ABL2: variants seen among roughly 807,000 people sequenced by gnomAD.
ABL2 encodes the protein tyrosine-protein kinase ABL2.
A neutral mutation model predicts 107.7 loss-of-function variants in ABL2; 49 were observed. The ratio of observed to expected loss-of-function variants is 0.45; its 90% confidence interval spans 0.36 to 0.58. The LOEUF (loss-of-function observed/expected upper bound fraction) is 0.58, where lower values mean the gene tolerates loss of function less well. Among genes scored for constraint, ABL2 ranks in the 20% least tolerant of loss-of-function variants. The pLI, the probability that ABL2 is intolerant of heterozygous loss-of-function variation, is 0.00. For synonymous variants in ABL2, 549 were observed against 548.6 expected, an observed-to-expected ratio of 1.00 and a Z score of -0.01; for missense variants, 1,245 against 1,457.0, an observed-to-expected ratio of 0.85 and a Z score of 2.37.
chr1:179,134,569 A>G (rs1656658557), intron 1 of ABL2, among the ~76,000 whole-genome samples: 1 of 152,058 alleles, frequency 6.6e-6, no homozygotes, highest in Admixed American at 6.6e-5. Context: ...CTACTTTCCT[A>G]TACTTACAGT....
intron 1 of ABL2, among the ~76,000 whole-genome samples, chr1:179,175,823 T>C (rs1222110655): frequency 5.3e-5 from 8 of 150,568 alleles, no homozygotes; most frequent in Non-Finnish European, 7.4e-5. Context: ...CATGCTAGAC[T>C]GCTAGACAAG....
At chr1:179,119,038 G>C (rs1332507948) in intron 6 of ABL2, among the ~76,000 whole-genome samples, 1 of 152,070 alleles carries the variant, frequency 6.6e-6, no homozygotes, top group Non-Finnish European at 1.5e-5. Flanking sequence ...AATTCTATAA[G>C]GGGCCAAGAA....
chr1:179,105,400 C>A lies in ABL2; in HGVS notation c.*2318G>T, dbSNP rs1414005444. On this transcript the variant is annotated 3_prime_UTR_variant, in exon 12 of 12. Coordinates refer to ENST00000502732, the MANE Select transcript of ABL2 (RefSeq NM_007314.4). ...CAACAGGGATAAACCTAAAAAGCAG[C>A]ATAATAATATTCTACAGTTTTAGCT... 8.6e-6 allele frequency: 2 copies of A among 231,244 alleles called. No homozygotes were observed. Among genetic ancestry groups the A allele is most frequent in the Non-Finnish European group, 1.7e-5 (2 of 116,836 alleles). 14.3% of individuals were successfully genotyped at this position (231,244 alleles called of 1,614,324 possible).
chr1:179,184,412 G>C, intron 1 of ABL2: 1 of 958,190 alleles, frequency 1.0e-6, no homozygotes, highest in East Asian at 2.6e-5. Flanking sequence ...CCAGCAGGAA[G>C]AGGCAGCATG....
intron 1 of ABL2, among the ~76,000 whole-genome samples, chr1:179,217,347 C>T (rs1662622901): frequency 6.7e-6 from 1 of 149,912 alleles, no homozygotes; most frequent in African/African-American, 2.5e-5. Flanking sequence ...GTGGCTCAGT[C>T]AGGTGTGGTG....
At chr1:179,110,591 T>C in intron 10 of ABL2, 136 bp from the exon 11 acceptor site, 1 of 1,498,352 alleles carries the variant, frequency 6.7e-7, no homozygotes, top group East Asian at 2.3e-5. Flanking sequence ...TCATAAAGTA[T>C]GTACTCTTTT....
At chr1:179,148,659 T>C (rs1454106594) in intron 1 of ABL2, among the ~76,000 whole-genome samples, 2 of 152,176 alleles carry the variant, frequency 1.3e-5, no homozygotes, top group African/African-American at 4.8e-5. Context: ...CTCAGCACTT[T>C]GTGAGGCCGA....
At chr1:179,139,450 T>C (rs1476487280) in intron 1 of ABL2, among the ~76,000 whole-genome samples, 1 of 152,142 alleles carries the variant, frequency 6.6e-6, no homozygotes, top group Non-Finnish European at 1.5e-5. Context: ...TTAAGAGCTG[T>C]AGCACTCACC....
chr1:179,186,338 CGT>C (rs1660683418), intron 1 of ABL2, among the ~76,000 whole-genome samples: 2 of 151,968 alleles, frequency 1.3e-5, no homozygotes, highest in South Asian at 4.1e-4. Flanking sequence ...TCTTTTTGAG[CGT>C]GTGTGTTTGG....
In ABL2 at chr1:179,228,028, C is replaced by T. The variant is rs568810330; in HGVS notation, c.157+1213G>A. On this transcript the variant is annotated intron_variant, in intron 1 of 11. Transcript: ENST00000502732. ...TCACGCCACTGCACTCCAGCCTGGG[C>T]GACAGAATGAGACTCCGTCTCCAAA... 2.5e-4 allele frequency among the ~76,000 whole-genome samples: 27 copies of T among 107,194 alleles called. No homozygotes were observed. In the East Asian group the frequency reaches 4.9e-3, roughly 19 times the overall value. The allele number at this position is 107,194 out of a possible 152,430, so 70.3% of individuals were successfully genotyped here.
At chr1:179,209,552 C>T (rs1662153884) in intron 1 of ABL2, among the ~76,000 whole-genome samples, 1 of 152,126 alleles carries the variant, frequency 6.6e-6, no homozygotes, top group African/African-American at 2.4e-5. Context: ...CTTTTTCTCC[C>T]CATACATCTA....
intron 1 of ABL2, among the ~76,000 whole-genome samples, chr1:179,205,623 G>A (rs1479664370): frequency 6.6e-6 from 1 of 152,116 alleles, no homozygotes; most frequent in African/African-American, 2.4e-5. Context: ...TCCTTTGGGG[G>A]GTCTGAGGGG....
intron 1 of ABL2, chr1:179,184,104 G>T: frequency 3.5e-6 from 1 of 286,130 alleles, no homozygotes. Flanking sequence ...GATCGCCAAA[G>T]TTCCAAGTTT....
At chr1:179,198,842 CT>C (rs554794092) in intron 1 of ABL2, among the ~76,000 whole-genome samples, 9,478 of 137,142 alleles carry the variant, frequency 0.069, 357 homozygotes, top group Non-Finnish European at 0.095. Context: ...CCAAATTATC[CT>C]TTTTTTTTTT....
intron 1 of ABL2, among the ~76,000 whole-genome samples, chr1:179,138,952 C>T (rs574814643): frequency 1.3e-5 from 2 of 152,334 alleles, no homozygotes; most frequent in East Asian, 3.9e-4. Context: ...AGCCAGCCAG[C>T]CCTGTCAGCC....
At chr1:179,196,994 C>T (rs191070596) in intron 1 of ABL2, among the ~76,000 whole-genome samples, 6 of 152,138 alleles carry the variant, frequency 3.9e-5, no homozygotes, top group Middle Eastern at 3.4e-3. Context: ...ACTGTGAATA[C>T]ACAAAATGTA....
At chr1:179,184,490 G>T in intron 1 of ABL2, 1 of 794,732 alleles carries the variant, frequency 1.3e-6, no homozygotes, top group Non-Finnish European at 2.1e-6. Context: ...TGTTAGGAAA[G>T]TTCATCAAAG....
chr1:179,216,362 C>A (rs1036508699), intron 1 of ABL2, among the ~76,000 whole-genome samples: 1 of 152,318 alleles, frequency 6.6e-6, no homozygotes, highest in South Asian at 2.1e-4. Context: ...AATTTACATA[C>A]TGAAATTATG....
At position 179,114,955 on chromosome 1, in the gene ABL2, T is replaced by A. The variant is rs756047263; in HGVS notation, c.1484A>T (p.Tyr495Phe). Residue 495 changes from tyrosine (Y) to phenylalanine (F), a missense_variant, in exon 9 of 12, where the codon TAT becomes TTT. This residue lies in a region of ABL2 where 320 missense variants were observed against 547.0 expected (regional missense o/e 0.59). Coordinates refer to ENST00000502732, the MANE Select transcript of ABL2 (RefSeq NM_007314.4). ...TCGATATCCTTTTTCTAGTAGGTCATAGACCTGAGACAGGTCAATACCTGG... is the reference window on the plus strand; with the variant it reads ...TCGATATCCTTTTTCTAGTAGGTCAAAGACCTGAGACAGGTCAATACCTGG... ...PYPGIDLSQV[Y>F]DLLEKGYRME... The A allele has an allele frequency of 2.5e-6, 4 of 1,612,636 alleles. No homozygotes were observed. The East Asian group carries it at 6.7e-5, about 27-fold the overall frequency.
Sources: allele counts gnomAD v4.1 joint callset (sites outside exome capture counted in the v4.1 genomes callset), GRCh38; gene constraint gnomAD v4.1.1; regional missense constraint gnomAD v4.1.1; transcripts MANE v1.5; gene names NCBI Gene and HGNC (gene_info 2026-07-23, HGNC 2026-07-21).